The following USP36 variants were observed in gnomAD, a reference collection of about 807,000 sequenced individuals.
USP36 encodes the protein ubiquitin specific peptidase 36, also known as ubiquitin carboxyl-terminal hydrolase 36.
A neutral mutation model predicts 111.5 loss-of-function variants in USP36; 59 were observed. That is an observed-to-expected ratio of 0.53 (90% CI 0.43 to 0.66). The LOEUF is 0.66. USP36 is among the 30% of genes least tolerant of loss of function. USP36 has a pLI of 0.00. For synonymous variants in USP36, 628 were observed against 581.0 expected, an observed-to-expected ratio of 1.08 and a Z score of -1.16; for missense variants, 1,488 against 1,468.0, an observed-to-expected ratio of 1.01 and a Z score of -0.22.
intron 15 of USP36, among the ~76,000 whole-genome samples, chr17:78,804,359 A>T (rs908638135): frequency 7.9e-5 from 12 of 151,458 alleles, no homozygotes; most frequent in African/African-American, 2.7e-4. Context: ...TAGTCAGGAG[A>T]CTGAGGCAGG....
chr17:78,830,604 A>T (rs1186997026), intron 4 of USP36, among the ~76,000 whole-genome samples: 1 of 152,196 alleles, frequency 6.6e-6, no homozygotes, highest in Non-Finnish European at 1.5e-5. Flanking sequence ...ATTACCTATT[A>T]TCTATTATCA....
At chr17:78,827,381 G>A (rs781489776) in intron 5 of USP36, 34 bp from the exon 6 acceptor site, 37 of 1,581,960 alleles carry the variant, frequency 2.3e-5, no homozygotes, top group South Asian at 1.1e-4. Context: ...GGAAGAGCTC[G>A]TGTCTTCTCA....
chr17:78,813,748 T>A, intron 12 of USP36, 25 bp downstream of exon 12: 1 of 1,608,084 alleles, frequency 6.2e-7, no homozygotes, highest in South Asian at 1.1e-5. Flanking sequence ...AGTGAGCTCA[T>A]CTGGGGAGGG....
At chr17:78,811,041 G>C (rs1040416076) in intron 13 of USP36, among the ~76,000 whole-genome samples, 3 of 150,404 alleles carry the variant, frequency 2.0e-5, no homozygotes, top group Non-Finnish European at 2.9e-5. Context: ...TTGAACCCAA[G>C]AGGCGGAGGC....
chr17:78,809,877 C>T (rs1416003494), intron 13 of USP36, among the ~76,000 whole-genome samples: 2 of 151,580 alleles, frequency 1.3e-5, no homozygotes, highest in African/African-American at 4.9e-5. Flanking sequence ...GATGGAGTCC[C>T]GCTCTGTCAC....
In USP36 at chr17:78,807,072, C is replaced by T. The variant is rs1210701503; in HGVS notation, c.1972G>A (p.Ala658Thr). 2 of 1,614,132 alleles carry T rather than the reference C, an allele frequency of 1.2e-6. No homozygotes were observed. Among genetic ancestry groups the T allele is most frequent in the East Asian group, 2.2e-5 (1 of 44,894 alleles). ...AGHSKTPPSG[A>T]DSKTVKLKSP... ...TTCAGCTTCACCGTCTTAGAATCTGCTCCACTTGGCGGCGTTTTGGAGTGG... is the reference window on the plus strand; with the variant it reads ...TTCAGCTTCACCGTCTTAGAATCTGTTCCACTTGGCGGCGTTTTGGAGTGG... Residue 658 changes from alanine (A) to threonine (T), a missense_variant, in exon 14 of 21, where the codon GCA becomes ACA. Around this residue, in one of 3 missense-constraint regions of USP36, gnomAD observed 1,073 missense variants for 994.1 expected, o/e 1.08. Coordinates refer to ENST00000449938, the MANE Select transcript of USP36 (RefSeq NM_001385174.1).
intron 6 of USP36, chr17:78,823,175 A>C: frequency 2.5e-6 from 1 of 398,668 alleles, no homozygotes; most frequent in Non-Finnish European, 4.4e-6. Flanking sequence ...GGATCATTCA[A>C]TTTTTATTCT....
chr17:78,800,240 C>T (rs1036631533), intron 17 of USP36, among the ~76,000 whole-genome samples: 6 of 152,284 alleles, frequency 3.9e-5, no homozygotes, highest in East Asian at 1.9e-4. Flanking sequence ...ACCTCACCTA[C>T]GGGAGAGGCC....
chr17:78,833,311 T>G (rs545555556), intron 4 of USP36, among the ~76,000 whole-genome samples: 95 of 152,118 alleles, frequency 6.2e-4, no homozygotes, highest in Non-Finnish European at 1.4e-3. Flanking sequence ...AGACGGAATC[T>G]TGTTCTGTTG....
chr17:78,818,858 A>G, intron 9 of USP36, 80 bp from the exon 10 acceptor site: 2 of 1,381,272 alleles, frequency 1.4e-6, no homozygotes, highest in Non-Finnish European at 2.1e-6. Context: ...TAAGTTAATA[A>G]CAGCAACAAC....
chr17:78,809,712 G>A (rs2094001903), intron 13 of USP36, among the ~76,000 whole-genome samples: 1 of 151,892 alleles, frequency 6.6e-6, no homozygotes, highest in African/African-American at 2.4e-5. Flanking sequence ...GCTCAATGCA[G>A]CCTTGTGTTT....
At chr17:78,806,921 C>G in intron 14 of USP36, 38 bp downstream of exon 14, 1 of 1,603,606 alleles carries the variant, frequency 6.2e-7, no homozygotes, top group Non-Finnish European at 8.5e-7. Context: ...TTGGAGCTCT[C>G]CTGATACACA....
intron 13 of USP36, among the ~76,000 whole-genome samples, chr17:78,811,832 C>A (rs1365154772): frequency 6.6e-6 from 1 of 151,850 alleles, no homozygotes; most frequent in Non-Finnish European, 1.5e-5. Flanking sequence ...TGCGCCACTG[C>A]ACTCCAGCCT....
intron 12 of USP36, among the ~76,000 whole-genome samples, 154 bp from the exon 13 acceptor site, chr17:78,813,155 C>T (rs1211217313): frequency 6.6e-6 from 1 of 152,176 alleles, no homozygotes; most frequent in Non-Finnish European, 1.5e-5. Context: ...CTTTGCCTTT[C>T]AACCACAGTG....
At position 78,806,198 on chromosome 17, in the gene USP36, G is replaced by A; in HGVS notation, c.2174C>T (p.Ser725Phe). 6.2e-7 allele frequency: 1 copy of A among 1,613,620 alleles called. No homozygotes were observed. The highest frequency in any genetic ancestry group is 8.5e-7 in the Non-Finnish European group (1 of 1,179,958). ...CCAAGTGGAGGCAACGACGGGGTGA[G>A]AGGTTTTCATGGGGTGGGTGAGGTC... ...SSDLTHPMKT[S>F]HPVVASTWPV... The change falls in exon 15 of 21, where the codon TCT becomes TTT. Residue 725 changes from serine (S) to phenylalanine (F), a missense_variant. Around this residue, in one of 3 missense-constraint regions of USP36, gnomAD observed 1,073 missense variants for 994.1 expected, o/e 1.08. Coordinates refer to ENST00000449938, the MANE Select transcript of USP36 (RefSeq NM_001385174.1).
intron 1 of USP36, among the ~76,000 whole-genome samples, chr17:78,839,914 G>A (rs1188205094): frequency 6.6e-6 from 1 of 152,192 alleles, no homozygotes; most frequent in Admixed American, 6.5e-5. Context: ...ACCCCAGCCA[G>A]CACCATTTAG....
At position 78,799,053 on chromosome 17, in the gene USP36, G is replaced by A. The variant is rs375079416; in HGVS notation, c.3125-30C>T. 4.4e-6 allele frequency: 7 copies of A among 1,607,046 alleles called. No individual in the cohort carries two copies. In the South Asian group the frequency reaches 7.7e-5, roughly 18 times the overall value. The stretch of plus-strand genomic sequence containing the variant: ...CAGGCAGACACGGGGGTCAGCACGA[G>A]TGCAGGTTCCCAGGTCCCCTGTGGC... On this transcript the variant is annotated intron_variant, in intron 18 of 20. Transcript: ENST00000449938.
chr17:78,789,207 A>G (rs1401680964), intron 3 of USP36, among the ~76,000 whole-genome samples: 2 of 150,910 alleles, frequency 1.3e-5, no homozygotes, highest in African/African-American at 4.9e-5. Context: ...CAAAAAAAAA[A>G]AAAAAAAAAA....
chr17:78,788,337 G>C (rs1386068246), intron 3 of USP36, among the ~76,000 whole-genome samples: 3 of 151,974 alleles, frequency 2.0e-5, no homozygotes, highest in Non-Finnish European at 2.9e-5. Flanking sequence ...GCTGATTTTT[G>C]TATTTTTAGT....
Sources: allele counts gnomAD v4.1 joint callset (sites outside exome capture counted in the v4.1 genomes callset), GRCh38; gene constraint gnomAD v4.1.1; regional missense constraint gnomAD v4.1.1; transcripts MANE v1.5; gene names NCBI Gene and HGNC (gene_info 2026-07-23, HGNC 2026-07-21).